COL4A2: variants seen among roughly 807,000 people sequenced by gnomAD.
COL4A2 encodes collagen type IV alpha 2 chain.
Under a neutral mutation model 200.2 loss-of-function variants are expected in COL4A2, and 99 were observed. The ratio of observed to expected loss-of-function variants is 0.49; its 90% CI spans 0.42 to 0.58. The LOEUF is 0.58. COL4A2 is among the 20% of genes least tolerant of loss of function. The pLI, the probability that COL4A2 is intolerant of heterozygous loss-of-function variation, is 0.00. For synonymous variants in COL4A2, 897 were observed against 900.6 expected (o/e 1.00, Z 0.07); for missense variants, 1,950 against 2,314.1 (o/e 0.84, Z 3.23).
At chr13:110,506,662 C>A in intron 46 of COL4A2, 56 bp downstream of exon 46, 1 of 1,503,746 alleles carries the variant, frequency 6.7e-7, no homozygotes, top group Non-Finnish European at 8.9e-7. Context: ...CGGAAGTGGC[C>A]AAGATCAAAG....
chr13:110,311,647 G>A (rs1420852263), intron 3 of COL4A2, among the ~76,000 whole-genome samples: 1 of 152,186 alleles, frequency 6.6e-6, no homozygotes, highest in African/African-American at 2.4e-5. Context: ...CTGTTTAAGG[G>A]ACTTCCCCTC....
At chr13:110,362,935 T>C (rs2139393862) in intron 4 of COL4A2, among the ~76,000 whole-genome samples, 1 of 152,324 alleles carries the variant, frequency 6.6e-6, no homozygotes, top group Non-Finnish European at 1.5e-5. Flanking sequence ...CCCAAACATC[T>C]GATTTTTGAC....
chr13:110,318,443 A>G (rs1185983674), intron 3 of COL4A2, among the ~76,000 whole-genome samples: 1 of 152,162 alleles, frequency 6.6e-6, no homozygotes, highest in Non-Finnish European at 1.5e-5. Context: ...TTTGTTCTAT[A>G]TGAGACGTTC....
rs540889310 is a variant in COL4A2, at chr13:110,414,604, C to A, written c.181-10130C>A. Among the ~76,000 whole-genome samples the A allele has an allele frequency of 1.2e-3, 185 of 152,324 alleles. 1 individual carries two copies. The highest frequency in any genetic ancestry group is 4.2e-3 in the African/African-American group (176 of 41,578). ...CGACCCCCCCGATCTCTCTCAGATG[C>A]CCCAGATGCTCTCTGAGGTCCCTTC... On this transcript the variant is annotated intron_variant, in intron 4 of 47. Transcript: ENST00000360467.
At chr13:110,357,369 C>T (rs1435497167) in intron 3 of COL4A2, 103 bp from the exon 4 acceptor site, 24 of 1,459,732 alleles carry the variant, frequency 1.6e-5, no homozygotes, top group East Asian at 5.0e-5. Context: ...TTGAATGAAT[C>T]GTTTCTAGAG....
intron 31 of COL4A2, among the ~76,000 whole-genome samples, chr13:110,481,402 CTGTCCCTCCATTGCTGGAGACACACTGT>C: frequency 4.7e-5 from 1 of 21,362 alleles, no homozygotes; most frequent in African/African-American, 2.0e-4. Flanking sequence ...ACACACTGTT[CTGTCCCTCCATTGCTGGAGACACACTGT>C]TCTGTCCCTC....
At chr13:110,343,773 G>T (rs1876572747) in intron 3 of COL4A2, among the ~76,000 whole-genome samples, 1 of 152,222 alleles carries the variant, frequency 6.6e-6, no homozygotes, top group Non-Finnish European at 1.5e-5. Context: ...TCTGAAAAAG[G>T]ATTCCTGGAT....
chr13:110,387,258 A>T (rs891044612), intron 4 of COL4A2, among the ~76,000 whole-genome samples: 14 of 152,110 alleles, frequency 9.2e-5, no homozygotes, highest in South Asian at 2.1e-4. Context: ...ATAATAATAA[A>T]AAAAAGGAGC....
intron 4 of COL4A2, among the ~76,000 whole-genome samples, chr13:110,421,712 T>C (rs1482508430): frequency 6.6e-6 from 1 of 152,236 alleles, no homozygotes; most frequent in African/African-American, 2.4e-5. Context: ...GTTAGCTTTA[T>C]GCTATGTGAA....
At chr13:110,354,931 C>T (rs1376460687) in intron 3 of COL4A2, among the ~76,000 whole-genome samples, 2 of 152,158 alleles carry the variant, frequency 1.3e-5, no homozygotes, top group East Asian at 3.9e-4. Flanking sequence ...TGCACCTCCA[C>T]GTGGACATGC....
intron 3 of COL4A2, among the ~76,000 whole-genome samples, chr13:110,347,892 ACT>A (rs1252913720): frequency 2.0e-5 from 3 of 152,192 alleles, no homozygotes; most frequent in Non-Finnish European, 4.4e-5. Flanking sequence ...GTTGCCGATG[ACT>A]CAGGGGAGGG....
At chr13:110,507,703 G>A in intron 46 of COL4A2, 1 of 589,970 alleles carries the variant, frequency 1.7e-6, no homozygotes, top group Non-Finnish European at 3.0e-6. Flanking sequence ...GGCCCAGTAT[G>A]TGTGAGAACT....
At chr13:110,316,093 C>T (rs565524761) in intron 3 of COL4A2, among the ~76,000 whole-genome samples, 1 of 152,122 alleles carries the variant, frequency 6.6e-6, no homozygotes, top group Non-Finnish European at 1.5e-5. Context: ...TCAACCCCAC[C>T]CATAGAATTC....
intron 20 of COL4A2, among the ~76,000 whole-genome samples, chr13:110,454,246 T>C (rs1466914913): frequency 6.6e-6 from 1 of 152,192 alleles, no homozygotes; most frequent in African/African-American, 2.4e-5. Flanking sequence ...TGCTATTCTA[T>C]AGGACTTATT....
chr13:110,350,674 G>A (rs867042386), intron 3 of COL4A2, among the ~76,000 whole-genome samples: 1 of 152,164 alleles, frequency 6.6e-6, no homozygotes, highest in African/African-American at 2.4e-5. Context: ...ATGCCCATCC[G>A]ACCACCTAGT....
At chr13:110,358,370 T>C (rs7328770) in intron 4 of COL4A2, among the ~76,000 whole-genome samples, 21,209 of 152,214 alleles carry the variant, frequency 0.14, 1,762 homozygotes, top group Middle Eastern at 0.22. Flanking sequence ...CGTCATCCCC[T>C]CTGGGAACAA....
chr13:110,468,047 C>T, intron 27 of COL4A2: 1 of 424,922 alleles, frequency 2.4e-6, no homozygotes, highest in South Asian at 1.7e-5. Context: ...CTTCCTGCTG[C>T]ACAAATCATG....
At position 110,511,980 on chromosome 13, in the gene COL4A2, C is replaced by T. The variant is rs200681591; in HGVS notation, c.4928C>T (p.Pro1643Leu). ...DEGGGQSLVS[P>L]GSCLEDFRAT... ...GGCGGTGGCCAATCACTGGTGTCACCGGGCAGCTGTCTAGAGGACTTCCGC... is the reference window on the plus strand; with the variant it reads ...GGCGGTGGCCAATCACTGGTGTCACTGGGCAGCTGTCTAGAGGACTTCCGC... The change falls in exon 48 of 48, where the codon CCG (proline) becomes CTG (leucine). Residue 1643 changes from proline to leucine, a missense_variant. Coordinates refer to ENST00000360467, the MANE Select transcript of COL4A2 (RefSeq NM_001846.4). 38 of 1,613,544 alleles carry T rather than the reference C, an allele frequency of 2.4e-5. No homozygotes were observed. The highest frequency in any genetic ancestry group is 4.0e-5 in the African/African-American group (3 of 75,056).
Position 110,503,914 on chromosome 13 carries a change from G to T in COL4A2, c.4206G>T (p.Gly1402=). The change falls in exon 44 of 48, where the codon GGG becomes GGT. Residue 1402 remains glycine, a synonymous_variant. Coordinates refer to ENST00000360467, the MANE Select transcript of COL4A2 (RefSeq NM_001846.4). Reference sequence around the variant, plus strand: ...CCCAGAAGATTGCCGTCCAACCAGGGACAGTGGGTCCCCAGGGGAGGCGAG... The same window carrying T: ...CCCAGAAGATTGCCGTCCAACCAGGTACAGTGGGTCCCCAGGGGAGGCGAG... ...GIPQKIAVQP[G]TVGPQGRRGP... The T allele has an allele frequency of 1.9e-6, 3 of 1,612,320 alleles. No homozygotes were observed. The highest frequency in any genetic ancestry group is 2.5e-6 in the Non-Finnish European group (3 of 1,178,740).
Sources: gnomAD v4.1 joint callset for allele counts (sites outside exome capture counted in the v4.1 genomes callset) on GRCh38, gnomAD v4.1.1 for gene constraint, MANE v1.5 for transcripts, NCBI Gene and HGNC (gene_info 2026-07-23, HGNC 2026-07-21) for gene names.